The following NAALADL2 variants were observed in gnomAD, a reference collection of about 807,000 sequenced individuals.
The protein encoded by NAALADL2 is N-acetylated alpha-linked acidic dipeptidase like 2, also known as inactive N-acetylated-alpha-linked acidic dipeptidase-like protein 2.
In NAALADL2, 76 loss-of-function variants were observed where a neutral mutation model predicts 87.2. That is an observed-to-expected ratio of 0.87 (90% CI 0.72 to 1.05). NAALADL2 has a LOEUF of 1.05. Among genes scored for constraint, NAALADL2 ranks in the 50% least tolerant of loss-of-function variants. The pLI, the probability that NAALADL2 is intolerant of heterozygous loss-of-function variation, is 0.00. For synonymous variants in NAALADL2, 354 were observed against 331.0 expected, an observed-to-expected ratio of 1.07 and a Z score of -0.75; for missense variants, 1,089 against 945.8, an observed-to-expected ratio of 1.15 and a Z score of -1.99.
chr3:175,068,971 G>A (rs1454950074), intron 1 of NAALADL2, among the ~76,000 whole-genome samples: 6 of 151,884 alleles, frequency 4.0e-5, no homozygotes, highest in Non-Finnish European at 8.8e-5. Flanking sequence ...GTTTGGGGGA[G>A]GAGAGAGTTC....
At chr3:175,223,004 G>A (rs1743605112) in intron 2 of NAALADL2, among the ~76,000 whole-genome samples, 1 of 151,110 alleles carries the variant, frequency 6.6e-6, no homozygotes, top group Non-Finnish European at 1.5e-5. Flanking sequence ...ATGTATTTAG[G>A]GTACGCAACA....
chr3:174,672,078 T>C (rs1002888265), intron 2 of NAALADL2, among the ~76,000 whole-genome samples: 5 of 152,040 alleles, frequency 3.3e-5, no homozygotes, highest in African/African-American at 9.7e-5. Flanking sequence ...ATTCTAAATA[T>C]CCTTAACTGA....
chr3:175,482,726 A>G (rs565577285), intron 9 of NAALADL2, among the ~76,000 whole-genome samples: 67 of 152,008 alleles, frequency 4.4e-4, no homozygotes, highest in African/African-American at 1.6e-3. Flanking sequence ...ACAAAATAAT[A>G]GTAAATTTAG....
At chr3:175,387,758 A>T (rs1768578895) in intron 5 of NAALADL2, among the ~76,000 whole-genome samples, 1 of 152,102 alleles carries the variant, frequency 6.6e-6, no homozygotes, top group African/African-American at 2.4e-5. Flanking sequence ...AATAAAATAG[A>T]ACAATAAAAT....
chr3:174,582,399 G>A (rs1716266270), intron 2 of NAALADL2, among the ~76,000 whole-genome samples: 1 of 152,132 alleles, frequency 6.6e-6, no homozygotes, highest in Admixed American at 6.6e-5. Context: ...TTACCGGAAA[G>A]TGAAGTAAAT....
At chr3:175,420,392 T>A (rs1225415860) in intron 5 of NAALADL2, among the ~76,000 whole-genome samples, 2 of 151,990 alleles carry the variant, frequency 1.3e-5, no homozygotes, top group Non-Finnish European at 2.9e-5. Context: ...TTTTGAATGA[T>A]TACAACTTTG....
At chr3:175,206,702 C>G (rs1740977128) in intron 2 of NAALADL2, among the ~76,000 whole-genome samples, 1 of 151,930 alleles carries the variant, frequency 6.6e-6, no homozygotes. Context: ...CCAATAACTT[C>G]TGGAAAAATA....
At chr3:175,423,306 T>A (rs1286429731) in intron 5 of NAALADL2, among the ~76,000 whole-genome samples, 1 of 150,902 alleles carries the variant, frequency 6.6e-6, no homozygotes, top group Non-Finnish European at 1.5e-5. Flanking sequence ...AGGGTACAAG[T>A]GCACAACGTG....
chr3:175,713,872 C>T (rs1446877381), intron 11 of NAALADL2, among the ~76,000 whole-genome samples: 2 of 152,060 alleles, frequency 1.3e-5, no homozygotes, highest in African/African-American at 2.4e-5. Flanking sequence ...TAATGCTACC[C>T]CTTCTCTAGC....
chr3:175,539,704 T>G (rs761629408), intron 9 of NAALADL2, among the ~76,000 whole-genome samples: 6 of 152,108 alleles, frequency 3.9e-5, no homozygotes, highest in Non-Finnish European at 8.8e-5. Context: ...TTTAAAATGG[T>G]AAATTGGGGC....
intron 2 of NAALADL2, among the ~76,000 whole-genome samples, chr3:174,730,639 T>C (rs1732612642): frequency 6.6e-6 from 1 of 152,146 alleles, no homozygotes; most frequent in African/African-American, 2.4e-5. Flanking sequence ...GTGAAGTTTC[T>C]AGAGGCTGTC....
At chr3:175,207,060 C>T (rs900376903) in intron 2 of NAALADL2, among the ~76,000 whole-genome samples, 3 of 151,926 alleles carry the variant, frequency 2.0e-5, no homozygotes, top group East Asian at 3.9e-4. Flanking sequence ...TATATGCAAA[C>T]GTATATATTG....
At chr3:175,023,671 T>G (rs1296899796) in intron 1 of NAALADL2, among the ~76,000 whole-genome samples, 1 of 152,120 alleles carries the variant, frequency 6.6e-6, no homozygotes, top group Non-Finnish European at 1.5e-5. Flanking sequence ...ACAAATATAT[T>G]TCTTGACATC....
chr3:174,728,266 G>A (rs1732388205), intron 2 of NAALADL2, among the ~76,000 whole-genome samples: 2 of 151,896 alleles, frequency 1.3e-5, no homozygotes, highest in African/African-American at 4.8e-5. Context: ...AGCAATTGTT[G>A]GGGTATGAAT....
chr3:175,338,622 AACAC>A (rs202022603), intron 5 of NAALADL2, among the ~76,000 whole-genome samples: 17,682 of 88,230 alleles, frequency 0.2, 2,758 homozygotes, highest in East Asian at 0.41. Context: ...AAACACCACA[AACAC>A]ACACACACAC....
At chr3:174,755,781 T>A (rs962045748) in intron 3 of NAALADL2, among the ~76,000 whole-genome samples, 1 of 152,242 alleles carries the variant, frequency 6.6e-6, no homozygotes, top group African/African-American at 2.4e-5. Context: ...GATGCTTACC[T>A]GATACATAAT....
chr3:175,641,502 T>A (rs79845727), intron 11 of NAALADL2, among the ~76,000 whole-genome samples: 2,853 of 152,264 alleles, frequency 0.019, 29 homozygotes, highest in Middle Eastern at 0.024. Flanking sequence ...CAGTAATTAT[T>A]TGCTGAACAA....
chr3:174,981,065 T>A (rs1331412717), intron 1 of NAALADL2, among the ~76,000 whole-genome samples: 1 of 152,158 alleles, frequency 6.6e-6, no homozygotes, highest in African/African-American at 2.4e-5. Flanking sequence ...ATTATGAAAA[T>A]AAAACCTTAC....
At chr3:174,812,530 T>A (rs1720332663) in intron 3 of NAALADL2, among the ~76,000 whole-genome samples, 1 of 152,200 alleles carries the variant, frequency 6.6e-6, no homozygotes, top group African/African-American at 2.4e-5. Context: ...ATTTTTATTG[T>A]AGCGTATACT....
Sources: gnomAD v4.1 joint callset for allele counts (sites outside exome capture counted in the v4.1 genomes callset) on GRCh38, gnomAD v4.1.1 for gene constraint, MANE v1.5 for transcripts, NCBI Gene and HGNC (gene_info 2026-07-23, HGNC 2026-07-21) for gene names.